Variants in SLC25A24 observed in about 807,000 individuals in gnomAD.
SLC25A24 encodes mitochondrial adenyl nucleotide antiporter SLC25A24.
Under a neutral mutation model 60.7 loss-of-function variants are expected in SLC25A24, and 49 were observed. That is an observed-to-expected ratio of 0.81 (90% CI 0.64 to 1.02). The LOEUF is 1.02. Ranked by LOEUF, SLC25A24 falls within the 50% of genes least tolerant of loss-of-function variation. SLC25A24 has a pLI of 0.00. For synonymous variants in SLC25A24, 202 were observed against 200.6 expected (o/e 1.01, Z -0.06); for missense variants, 564 against 586.3 (o/e 0.96, Z 0.39).
chr1:108,165,878 C>T (rs1237873590), intron 3 of SLC25A24, among the ~76,000 whole-genome samples: 1 of 152,182 alleles, frequency 6.6e-6, no homozygotes, highest in Admixed American at 6.5e-5. Context: ...AATGCAGTTT[C>T]TTCCTAGTCT....
chr1:108,180,716 G>C lies in SLC25A24; in HGVS notation c.398+1225C>G, dbSNP rs75208801. On this transcript the variant is annotated intron_variant, in intron 3 of 9. Transcript: ENST00000565488. ...GGGGTCTATCTGCAAGCCAGAAAGA[G>C]AGCCCTCACTACAACCCAACCATGC... Among the ~76,000 whole-genome samples the C allele has an allele frequency of 6.1e-4, 92 of 151,592 alleles. No homozygotes were observed. The East Asian group carries it at 0.017, about 28-fold the overall frequency.
intron 1 of SLC25A24, among the ~76,000 whole-genome samples, chr1:108,198,023 C>CA (rs745587275): frequency 2.0e-5 from 3 of 152,158 alleles, no homozygotes; most frequent in Non-Finnish European, 4.4e-5. Flanking sequence ...AAAGCCAGGA[C>CA]ACCCCTCGGA....
chr1:108,164,212 T>C (rs1363411002), intron 3 of SLC25A24, among the ~76,000 whole-genome samples: 2 of 152,216 alleles, frequency 1.3e-5, no homozygotes, highest in East Asian at 3.9e-4. Flanking sequence ...TATTGAGGAT[T>C]TTTGCATCAA....
At chr1:108,151,258 T>C (rs1034841703) in intron 6 of SLC25A24, among the ~76,000 whole-genome samples, 1 of 151,828 alleles carries the variant, frequency 6.6e-6, no homozygotes, top group Non-Finnish European at 1.5e-5. Flanking sequence ...ACAAATCCCC[T>C]CCACCCAACA....
chr1:108,186,198 T>C (rs952471859), intron 1 of SLC25A24, among the ~76,000 whole-genome samples: 7 of 152,178 alleles, frequency 4.6e-5, no homozygotes, highest in East Asian at 3.9e-4. Context: ...TTATAAAACA[T>C]GACATTTTTA....
chr1:108,187,927 G>GATATATATATATATATATAT (rs57513025), intron 1 of SLC25A24, among the ~76,000 whole-genome samples: 1,142 of 95,694 alleles, frequency 0.012, 29 homozygotes, highest in East Asian at 0.027. Context: ...AGACATTATA[G>GATATATATATATATATATAT]ATATATATAT....
chr1:108,190,160 A>G (rs1648298697), intron 1 of SLC25A24, among the ~76,000 whole-genome samples: 1 of 152,144 alleles, frequency 6.6e-6, no homozygotes, highest in East Asian at 1.9e-4. Context: ...CAGGCAGAGG[A>G]GTGGGAAAGC....
chr1:108,196,946 C>T (rs1398132716), intron 1 of SLC25A24, among the ~76,000 whole-genome samples: 1 of 152,192 alleles, frequency 6.6e-6, no homozygotes, highest in East Asian at 1.9e-4. Flanking sequence ...AATACTGTAT[C>T]TCCTTGTTCT....
chr1:108,190,699 T>G lies in SLC25A24; in HGVS notation c.184-4745A>C, dbSNP rs1458201360. On this transcript the variant is annotated intron_variant, in intron 1 of 9. Transcript: ENST00000565488. ...GACAATGTAAGTATCATTTCTTTTTTTTTTTTTTAATCAGTTGAGTTTTGT... is the reference window on the plus strand; with the variant it reads ...GACAATGTAAGTATCATTTCTTTTTGTTTTTTTTAATCAGTTGAGTTTTGT... Among the ~76,000 whole-genome samples, 3 of 140,470 alleles carry G rather than the reference T, an allele frequency of 2.1e-5. 1 individual carries two copies. The highest frequency in any genetic ancestry group is 4.7e-5 in the Non-Finnish European group (3 of 63,956). 92.2% of individuals were successfully genotyped at this position (140,470 alleles called of 152,430 possible).
chr1:108,159,530 T>C (rs1033059367), intron 4 of SLC25A24, among the ~76,000 whole-genome samples: 2 of 144,874 alleles, frequency 1.4e-5, no homozygotes, highest in African/African-American at 5.2e-5. Flanking sequence ...TTTGGCAGGG[T>C]CACAGGACAA....
intron 3 of SLC25A24, among the ~76,000 whole-genome samples, chr1:108,178,611 A>G (rs1230135305): frequency 4.6e-5 from 7 of 152,156 alleles, no homozygotes; most frequent in African/African-American, 1.7e-4. Flanking sequence ...CCAGGAGATC[A>G]AGACCATCCT....
rs370120312 is a variant in SLC25A24, at chr1:108,143,718, T to C, written c.931-8A>G. 3 of 1,577,022 alleles carry C rather than the reference T, an allele frequency of 1.9e-6. No homozygotes were observed. Among genetic ancestry groups the C allele is most frequent in the African/African-American group, 1.4e-5 (1 of 72,714 alleles). On this transcript the variant is annotated splice_region_variant and splice_polypyrimidine_tract_variant and intron_variant, in intron 7 of 9. Coordinates refer to ENST00000565488, the MANE Select transcript of SLC25A24 (RefSeq NM_013386.5). ...CAGCCTGGTTTTCATAACCTGGATA[T>C]AAAAAAAAACAAAATATGATTGTTC...
intron 6 of SLC25A24, among the ~76,000 whole-genome samples, chr1:108,154,113 A>G (rs1679824501): frequency 7.0e-6 from 1 of 142,224 alleles, no homozygotes; most frequent in Non-Finnish European, 1.5e-5. Flanking sequence ...CTAGGCAAAG[A>G]AAAGGATACC....
In SLC25A24 at chr1:108,158,828, C is replaced by T. The variant is rs181513506; in HGVS notation, c.511-1208G>A. Among the ~76,000 whole-genome samples the T allele has an allele frequency of 1.4e-4, 21 of 151,992 alleles. No individual in the cohort carries two copies. In the East Asian group the frequency reaches 2.5e-3, roughly 18 times the overall value. On this transcript the variant is annotated intron_variant, in intron 4 of 9. Coordinates refer to ENST00000565488, the MANE Select transcript of SLC25A24 (RefSeq NM_013386.5). The stretch of plus-strand genomic sequence containing the variant: ...CATCCTGGCTAACACGGTGAAACCC[C>T]GTCTCTACTAAAAATACAAAAAAAA...
chr1:108,155,417 T>C (rs958702840), intron 5 of SLC25A24, among the ~76,000 whole-genome samples: 1 of 151,982 alleles, frequency 6.6e-6, no homozygotes. Flanking sequence ...ACAACCTTCA[T>C]AAGATAATAT....
At chr1:108,179,783 A>G (rs935158197) in intron 3 of SLC25A24, among the ~76,000 whole-genome samples, 1 of 152,290 alleles carries the variant, frequency 6.6e-6, no homozygotes, top group East Asian at 1.9e-4. Context: ...TAAGTTCAAG[A>G]GCTCCACTAT....
At chr1:108,149,231 C>T (rs963706679) in intron 6 of SLC25A24, among the ~76,000 whole-genome samples, 1 of 152,220 alleles carries the variant, frequency 6.6e-6, no homozygotes, top group Non-Finnish European at 1.5e-5. Flanking sequence ...TCAAGCCCAG[C>T]ATCTCCCTGG....
Position 108,139,102 on chromosome 1 carries a change from G to A in SLC25A24, c.1205C>T (p.Ala402Val). The stretch of plus-strand genomic sequence containing the variant: ...TCTCACCAAAGCCAATGGGTAGCTG[G>A]CCAGCTGACCACAGGTGCTGGATAA... ...GALSSTCGQL[A>V]SYPLALVRTR... The change falls in exon 9 of 10, where the codon GCC becomes GTC. Residue 402 changes from alanine (A) to valine (V), a missense_variant. Ala to Val is a moderately conservative substitution (Grantham distance 64). Coordinates refer to ENST00000565488, the MANE Select transcript of SLC25A24 (RefSeq NM_013386.5). 6.2e-7 allele frequency: 1 copy of A among 1,608,720 alleles called. No homozygotes were observed. Among genetic ancestry groups the A allele is most frequent in the Non-Finnish European group, 8.5e-7 (1 of 1,177,526 alleles).
At chr1:108,151,616 C>T (rs1679759514) in intron 6 of SLC25A24, among the ~76,000 whole-genome samples, 1 of 152,202 alleles carries the variant, frequency 6.6e-6, no homozygotes, top group African/African-American at 2.4e-5. Flanking sequence ...TCTTTTACTT[C>T]TCCCTTTGGA....
Sources: gnomAD v4.1 joint callset for allele counts (sites outside exome capture counted in the v4.1 genomes callset) on GRCh38, gnomAD v4.1.1 for gene constraint, MANE v1.5 for transcripts, NCBI Gene and HGNC (gene_info 2026-07-23, HGNC 2026-07-21) for gene names.